Variants in RALYL observed in about 807,000 individuals in gnomAD.
RALYL encodes the protein RNA-binding Raly-like protein.
In RALYL, 29 loss-of-function variants were observed where a neutral mutation model predicts 35.1. The ratio of observed to expected loss-of-function variants is 0.83; its 90% CI spans 0.61 to 1.13. RALYL has a LOEUF of 1.13. RALYL is among the 50% of genes most tolerant of loss of function. The probability of loss-of-function intolerance (pLI) is 0.00; values close to 1 mark genes in which losing one functional copy is unlikely to be tolerated. For synonymous variants in RALYL, 120 were observed against 127.6 expected (o/e 0.94, Z 0.40); for missense variants, 359 against 360.4 (o/e 1.00, Z 0.03).
intron 2 of RALYL, among the ~76,000 whole-genome samples, chr8:84,564,411 C>A (rs1254500878): frequency 6.6e-6 from 1 of 151,654 alleles, no homozygotes; most frequent in Non-Finnish European, 1.5e-5. Flanking sequence ...CTAAGCTTCA[C>A]CCTGCATTTT....
chr8:84,280,187 G>A (rs568782222), intron 1 of RALYL, among the ~76,000 whole-genome samples: 3 of 152,192 alleles, frequency 2.0e-5, no homozygotes, highest in South Asian at 2.1e-4. Flanking sequence ...TTAAAATCAT[G>A]TCTCAATTAT....
chr8:84,327,035 G>A (rs1845930175), intron 1 of RALYL, among the ~76,000 whole-genome samples: 1 of 152,108 alleles, frequency 6.6e-6, no homozygotes, highest in Admixed American at 6.6e-5. Flanking sequence ...ACACTTGGTT[G>A]ACATGCTACC....
At chr8:84,613,835 T>A (rs1818851133) in intron 2 of RALYL, among the ~76,000 whole-genome samples, 1 of 149,822 alleles carries the variant, frequency 6.7e-6, no homozygotes, top group Admixed American at 6.7e-5. Flanking sequence ...TCCGCAGTTT[T>A]TACTTTAAAC....
chr8:84,257,575 G>T (rs1025577719), intron 1 of RALYL, among the ~76,000 whole-genome samples: 1 of 152,038 alleles, frequency 6.6e-6, no homozygotes, highest in Non-Finnish European at 1.5e-5. Flanking sequence ...CATCAACATC[G>T]TCATGGAGAT....
intron 4 of RALYL, among the ~76,000 whole-genome samples, chr8:84,849,548 G>GT (rs978629887): frequency 6.7e-6 from 1 of 150,128 alleles, no homozygotes; most frequent in Non-Finnish European, 1.5e-5. Context: ...CTAATTAAAA[G>GT]TTTTTTGTTT....
rs1053647755 is a variant in RALYL at position 84,342,295 on chromosome 8, T to TATATATATATATATATATAA, written c.-24+157872_-24+157873insTATATATATATATATATAAA. Among the ~76,000 whole-genome samples the TATATATATATATATATATAA allele has an allele frequency of 1.7e-4, 20 of 119,678 alleles. 3 individuals carry two copies. Among genetic ancestry groups the TATATATATATATATATATAA allele is most frequent in the African/African-American group, 7.5e-4 (20 of 26,618 alleles). 78.5% of individuals were successfully genotyped at this position (119,678 alleles called of 152,430 possible). A position where few individuals can be genotyped will look rare whatever the true frequency, so the allele number is the denominator to read the frequency against. Reference sequence around the variant, plus strand: ...ATCGTTCAATATATATATATATATATAAAACTCAAAAAGTGTGGTCCTCCC... The same window carrying TATATATATATATATATATAA: ...ATCGTTCAATATATATATATATATATATATATATATATATATATAAAAAACTCAAAAAGTGTGGTCCTCCC... On this transcript the variant is annotated intron_variant, in intron 1 of 8. Transcript: ENST00000521268.
chr8:84,816,542 T>C (rs780478904), intron 4 of RALYL, among the ~76,000 whole-genome samples: 5 of 152,144 alleles, frequency 3.3e-5, no homozygotes, highest in Admixed American at 6.5e-5. Context: ...TTTAACTAAG[T>C]CAGAACAATT....
At chr8:84,911,496 C>T (rs1408934838) in intron 8 of RALYL, among the ~76,000 whole-genome samples, 1 of 152,050 alleles carries the variant, frequency 6.6e-6, no homozygotes, top group Non-Finnish European at 1.5e-5. Flanking sequence ...CTATTGTATT[C>T]TCACAACACA....
intron 4 of RALYL, among the ~76,000 whole-genome samples, chr8:84,848,374 T>G (rs1359073864): frequency 6.6e-6 from 1 of 151,624 alleles, no homozygotes; most frequent in Non-Finnish European, 1.5e-5. Flanking sequence ...AGTAATACTT[T>G]TAAATATTTT....
chr8:84,809,935 T>TTTTG (rs1825540621), intron 4 of RALYL, among the ~76,000 whole-genome samples: 1 of 152,166 alleles, frequency 6.6e-6, no homozygotes, highest in African/African-American at 2.4e-5. Flanking sequence ...AGAACCAGCT[T>TTTTG]TTTGTTTCAT....
chr8:84,276,799 T>C lies in RALYL; in HGVS notation c.-24+92375T>C, dbSNP rs182204055. Among the ~76,000 whole-genome samples, 342 of 152,344 alleles carry C rather than the reference T, an allele frequency of 2.2e-3. 3 individuals are homozygous for C. Among genetic ancestry groups the C allele is most frequent in the African/African-American group, 7.6e-3 (315 of 41,578 alleles). ...TCTTCAGGGACAGGAAAGAGTTGTA[T>C]TGTGACTGAAGAATAAAACAAAACT... On this transcript the variant is annotated intron_variant, in intron 1 of 8. Transcript: ENST00000521268.
chr8:84,627,542 G>T (rs1376516950), intron 2 of RALYL, among the ~76,000 whole-genome samples: 1 of 149,862 alleles, frequency 6.7e-6, no homozygotes, highest in African/African-American at 2.5e-5. Context: ...CTTTCTTCCT[G>T]CAGAAGAAAG....
chr8:84,533,817 C>G (rs1370756005), intron 2 of RALYL, among the ~76,000 whole-genome samples: 2 of 151,966 alleles, frequency 1.3e-5, no homozygotes, highest in Non-Finnish European at 2.9e-5. Context: ...TTAACTAGAT[C>G]CTGAAGGAAG....
chr8:84,823,660 T>C (rs1250300541), intron 4 of RALYL, among the ~76,000 whole-genome samples: 1 of 152,068 alleles, frequency 6.6e-6, no homozygotes, highest in Non-Finnish European at 1.5e-5. Flanking sequence ...TTACTTTCTC[T>C]CTCTCCTCCT....
At position 84,201,339 on chromosome 8, in the gene RALYL, G is replaced by A. The variant is rs554791123; in HGVS notation, c.-24+16915G>A. Among the ~76,000 whole-genome samples, 6 of 152,154 alleles carry A rather than the reference G, an allele frequency of 3.9e-5. No homozygotes were observed. The South Asian group carries it at 1.0e-3, about 26-fold the overall frequency. ...TGGGGAAATATGAGCATGTAATTTC[G>A]ATCCATCATCTATCTTTATTTGTTG... On this transcript the variant is annotated intron_variant, in intron 1 of 8. Transcript: ENST00000521268.
intron 1 of RALYL, among the ~76,000 whole-genome samples, chr8:84,338,269 G>A (rs2130835913): frequency 6.6e-6 from 1 of 152,032 alleles, no homozygotes; most frequent in South Asian, 2.1e-4. Flanking sequence ...TAGTCACAGA[G>A]TGGGACCATA....
chr8:84,653,206 G>A (rs1829217068), intron 2 of RALYL, among the ~76,000 whole-genome samples: 1 of 151,978 alleles, frequency 6.6e-6, no homozygotes, highest in African/African-American at 2.4e-5. Flanking sequence ...CTCTTCTTCA[G>A]CTGCTTTAAA....
intron 2 of RALYL, among the ~76,000 whole-genome samples, chr8:84,723,132 G>A (rs1844302098): frequency 1.3e-5 from 2 of 151,962 alleles, no homozygotes; most frequent in South Asian, 4.2e-4. Flanking sequence ...ATCAGAATGG[G>A]TGTAACTAAA....
chr8:84,375,843 A>C (rs1856802429), intron 1 of RALYL, among the ~76,000 whole-genome samples: 1 of 151,888 alleles, frequency 6.6e-6, no homozygotes, highest in South Asian at 2.1e-4. Context: ...ACTAGTCTTT[A>C]TAAATTCTCA....
Sources: gnomAD v4.1 joint callset for allele counts (sites outside exome capture counted in the v4.1 genomes callset) on GRCh38, gnomAD v4.1.1 for gene constraint, MANE v1.5 for transcripts, NCBI Gene and HGNC (gene_info 2026-07-23, HGNC 2026-07-21) for gene names.